The following FOXP2 variants were observed in gnomAD, a reference collection of about 807,000 sequenced individuals.
FOXP2 encodes forkhead box protein P2.
A neutral mutation model predicts 115.8 loss-of-function variants in FOXP2; 12 were observed. The ratio of observed to expected loss-of-function variants is 0.10; its 90% CI spans 0.07 to 0.17. FOXP2 has a LOEUF of 0.17. FOXP2 is among the 10% of genes least tolerant of loss of function. FOXP2 has a pLI of 1.00. For missense variants in FOXP2, 629 were observed against 843.5 expected (o/e 0.75, Z 3.15); for synonymous variants, 328 against 297.7 (o/e 1.10, Z -1.05).
intron 2 of FOXP2, among the ~76,000 whole-genome samples, chr7:114,481,302 A>G (rs1280797975): frequency 1.3e-5 from 2 of 151,282 alleles, no homozygotes; most frequent in Non-Finnish European, 1.5e-5. Flanking sequence ...AAATAATTAT[A>G]TAGAGAAGTA....
At chr7:114,583,817 A>T (rs1360759578) in intron 3 of FOXP2, among the ~76,000 whole-genome samples, 1 of 152,212 alleles carries the variant, frequency 6.6e-6, no homozygotes, top group Non-Finnish European at 1.5e-5. Context: ...TATTCATTTT[A>T]ACATGATAAT....
chr7:114,346,726 GA>G (rs999718122), intron 2 of FOXP2, among the ~76,000 whole-genome samples: 1 of 151,260 alleles, frequency 6.6e-6, no homozygotes, highest in Non-Finnish European at 1.5e-5. Context: ...TCTAAAAAGA[GA>G]AAAAAAACCT....
chr7:114,577,075 T>A (rs1003484233), intron 3 of FOXP2, among the ~76,000 whole-genome samples: 1 of 151,992 alleles, frequency 6.6e-6, no homozygotes, highest in Admixed American at 6.6e-5. Context: ...TTTGTAATTT[T>A]CATTAGGTGA....
chr7:114,566,635 C>G (rs184708510), intron 3 of FOXP2, among the ~76,000 whole-genome samples: 39 of 152,200 alleles, frequency 2.6e-4, no homozygotes, highest in Non-Finnish European at 4.0e-4. Flanking sequence ...AACTATGAGC[C>G]AAATAAACCT....
intron 1 of FOXP2, among the ~76,000 whole-genome samples, chr7:114,121,583 G>C (rs1180866224): frequency 1.3e-5 from 2 of 152,054 alleles, no homozygotes; most frequent in Non-Finnish European, 2.9e-5. Flanking sequence ...AGCATGGGGA[G>C]GGTGTTATCA....
At chr7:114,345,698 C>A (rs547617295) in intron 2 of FOXP2, among the ~76,000 whole-genome samples, 1 of 151,520 alleles carries the variant, frequency 6.6e-6, no homozygotes, top group Non-Finnish European at 1.5e-5. Flanking sequence ...TATGACACTA[C>A]GCAAAATGAG....
chr7:114,594,890 G>A (rs929999825), intron 3 of FOXP2, among the ~76,000 whole-genome samples: 2 of 151,898 alleles, frequency 1.3e-5, no homozygotes, highest in East Asian at 3.9e-4. Flanking sequence ...CTAGATGAAG[G>A]TATGTTCTCA....
intron 1 of FOXP2, among the ~76,000 whole-genome samples, chr7:114,140,040 G>C (rs1792161041): frequency 6.6e-6 from 1 of 152,116 alleles, no homozygotes; most frequent in South Asian, 2.1e-4. Flanking sequence ...TTGAACCCAA[G>C]AGGTGGAGGT....
At chr7:114,129,316 A>G (rs921765198) in intron 1 of FOXP2, among the ~76,000 whole-genome samples, 1 of 152,122 alleles carries the variant, frequency 6.6e-6, no homozygotes. Flanking sequence ...ACTATCTTGC[A>G]TGTTTGTCTT....
chr7:114,637,014 A>G (rs938062670), intron 6 of FOXP2, among the ~76,000 whole-genome samples: 3 of 152,102 alleles, frequency 2.0e-5, no homozygotes, highest in African/African-American at 7.2e-5. Flanking sequence ...TCTTTACAAA[A>G]AATAAAATAA....
chr7:114,188,033 G>A (rs974897534), intron 1 of FOXP2, among the ~76,000 whole-genome samples: 1 of 152,012 alleles, frequency 6.6e-6, no homozygotes, highest in Non-Finnish European at 1.5e-5. Context: ...ATTTCAACAT[G>A]AGTTTTGGAA....
At chr7:114,556,945 C>T (rs1394974909) in intron 3 of FOXP2, among the ~76,000 whole-genome samples, 1 of 152,088 alleles carries the variant, frequency 6.6e-6, no homozygotes, top group East Asian at 1.9e-4. Context: ...AAGCTAAATG[C>T]TATATAATAC....
chr7:114,195,109 T>C (rs992809195), intron 1 of FOXP2, among the ~76,000 whole-genome samples: 3 of 152,140 alleles, frequency 2.0e-5, no homozygotes, highest in African/African-American at 7.2e-5. Context: ...GAAATAACTG[T>C]GAGGTGGATG....
intron 3 of FOXP2, among the ~76,000 whole-genome samples, chr7:114,586,793 A>G (rs1802157319): frequency 6.6e-6 from 1 of 152,060 alleles, no homozygotes; most frequent in Admixed American, 6.6e-5. Context: ...CAAGTTGTCA[A>G]GATTCCAAAC....
chr7:114,265,353 C>A (rs1255026720), intron 1 of FOXP2, among the ~76,000 whole-genome samples: 1 of 152,134 alleles, frequency 6.6e-6, no homozygotes, highest in East Asian at 1.9e-4. Flanking sequence ...AGTCATTAAA[C>A]CTGAAAGCTC....
intron 3 of FOXP2, among the ~76,000 whole-genome samples, chr7:114,590,164 T>G (rs984537993): frequency 2.6e-5 from 4 of 152,108 alleles, no homozygotes; most frequent in Middle Eastern, 3.2e-3. Flanking sequence ...CAAAAAAAGT[T>G]TAGAGCACAA....
chr7:114,359,713 A>C (rs1791700805), intron 2 of FOXP2, among the ~76,000 whole-genome samples: 1 of 152,230 alleles, frequency 6.6e-6, no homozygotes, highest in Non-Finnish European at 1.5e-5. Context: ...TCAGACTTGC[A>C]TGCGGCCTGC....
chr7:114,685,806 A>G (rs974438010), intron 16 of FOXP2, among the ~76,000 whole-genome samples: 4 of 152,182 alleles, frequency 2.6e-5, no homozygotes, highest in African/African-American at 2.4e-5. Flanking sequence ...AACAGTTACA[A>G]TGTTCTGGAA....
chr7:114,318,379 G>GT (rs201941261), intron 2 of FOXP2, among the ~76,000 whole-genome samples: 17,229 of 116,418 alleles, frequency 0.15, 1,617 homozygotes, highest in South Asian at 0.3. Context: ...GTCTCTCTTT[G>GT]TTTTTTTTTT....
Sources: gnomAD v4.1 joint callset for allele counts (sites outside exome capture counted in the v4.1 genomes callset) on GRCh38, gnomAD v4.1.1 for gene constraint, MANE v1.5 for transcripts, NCBI Gene and HGNC (gene_info 2026-07-23, HGNC 2026-07-21) for gene names.